Variants in F7 observed in about 807,000 individuals in gnomAD.
F7 encodes the protein FVII coagulation protein.
Under a neutral mutation model 47.5 loss-of-function variants are expected in F7, and 38 were observed. The ratio of observed to expected loss-of-function variants is 0.80; its 90% CI spans 0.62 to 1.05. The LOEUF is 1.05. Ranked by LOEUF, F7 falls within the 50% of genes least tolerant of loss-of-function variation. The pLI, the probability that F7 is intolerant of heterozygous loss-of-function variation, is 0.00. For missense variants in F7, 575 were observed against 605.4 expected (o/e 0.95, Z 0.53); for synonymous variants, 244 against 258.5 (o/e 0.94, Z 0.54).
rs2036213635 is a variant in F7 at position 113,117,477 on chromosome 13, T to C, written c.620T>C (p.Leu207Pro). ...ACCTCCTGTCCCCCCGCCCAGGTCC[T>C]GTTGTTGGTGAATGGAGCTCAGTTG... ...CPKGECPWQV[L>P]LLVNGAQLCG... is the part of the protein sequence containing the mutation. Residue 207 changes from leucine to proline, a missense_variant, in exon 7 of 8, where the codon CTG (leucine) becomes CCG (proline). Physicochemically the swap from Leu to Pro is moderately conservative, Grantham distance 98. Transcript: ENST00000346342. 6.2e-7 allele frequency: 1 copy of C among 1,613,852 alleles called. No homozygotes were observed. Among genetic ancestry groups the C allele is most frequent in the Non-Finnish European group, 8.5e-7 (1 of 1,179,956 alleles).
intron 1 of F7, among the ~76,000 whole-genome samples, chr13:113,106,107 G>A (rs1033536018): frequency 4.0e-5 from 6 of 150,396 alleles, no homozygotes; most frequent in Non-Finnish European, 7.4e-5. Flanking sequence ...TGGTGGCCCA[G>A]GCTTTGGCGG....
At chr13:113,115,998 G>A (rs959056032) in intron 5 of F7, among the ~76,000 whole-genome samples, 198 bp downstream of exon 5, 3 of 152,224 alleles carry the variant, frequency 2.0e-5, no homozygotes, top group African/African-American at 7.2e-5. Context: ...GCACCCTGGG[G>A]GCAATCCCTG....
chr13:113,112,245 A>G (rs2036115111), intron 2 of F7, among the ~76,000 whole-genome samples: 1 of 143,314 alleles, frequency 7.0e-6, no homozygotes, highest in Non-Finnish European at 1.5e-5. Flanking sequence ...CCCACAGGAC[A>G]CCTCACACTC....
intron 1 of F7, 25 bp downstream of exon 1, chr13:113,105,930 T>A: frequency 6.4e-7 from 1 of 1,565,502 alleles, no homozygotes; most frequent in Non-Finnish European, 8.7e-7. Flanking sequence ...GTTTTCTCCA[T>A]AAACTTGGTG....
rs984360419 is a variant in F7, at chr13:113,118,143, G to A, written c.740-270G>A. 5.9e-5 allele frequency among the ~76,000 whole-genome samples: 9 copies of A among 152,074 alleles called. 1 individual carries two copies. The highest frequency in any genetic ancestry group is 4.1e-4 in the South Asian group (2 of 4,828). On this transcript the variant is annotated intron_variant, in intron 7 of 7. Transcript: ENST00000346342. ...GAAGAACTGTGGAGAATCGGGGCACGCCCTGTCCTCCCAGCTGCCAGGGCA... is the reference window on the plus strand; with the variant it reads ...GAAGAACTGTGGAGAATCGGGGCACACCCTGTCCTCCCAGCTGCCAGGGCA...
chr13:113,106,996 C>T (rs1234996340), intron 1 of F7: 32 of 1,459,498 alleles, frequency 2.2e-5, no homozygotes, highest in South Asian at 1.3e-4. Context: ...AAGAGCCAGC[C>T]CGCGGGGTGG....
Position 113,118,913 on chromosome 13 carries a change from G to T in F7, c.1240G>T (p.Val414Leu). 6.2e-7 allele frequency: 1 copy of T among 1,612,196 alleles called. No individual in the cohort carries two copies. The highest frequency in any genetic ancestry group is 1.7e-5 in the Admixed American group (1 of 60,020). The change falls in exon 8 of 8, where the codon GTG becomes TTG. Residue 414 changes from valine to leucine, a missense_variant. Physicochemically the swap from Val to Leu is conservative, Grantham distance 32. Transcript: ENST00000346342. ...CTGCGCAACCGTGGGCCACTTTGGG[G>T]TGTACACCAGGGTCTCCCAGTACAT... ...QGCATVGHFG[V>L]YTRVSQYIEW...
At chr13:113,108,569 A>C (rs76788797) in intron 1 of F7, among the ~76,000 whole-genome samples, 33 of 304 alleles carry the variant, frequency 0.11, 3 homozygotes, top group Middle Eastern at 0.5. Flanking sequence ...GTCCCGGGGG[A>C]GTGGGTGTCC....
At chr13:113,117,369 G>T (rs2036211676) in intron 6 of F7, 104 bp from the exon 7 acceptor site, 1 of 1,560,620 alleles carries the variant, frequency 6.4e-7, no homozygotes, top group African/African-American at 1.4e-5. Context: ...ATTTCAGAAA[G>T]AAATTGTGCA....
In F7 at chr13:113,120,366, G is replaced by C. The variant is rs2036282167; in HGVS notation, c.*1358G>C. The C allele has an allele frequency of 6.6e-6, 1 of 152,512 alleles. No homozygotes were observed. The highest frequency in any genetic ancestry group is 2.4e-5 in the African/African-American group (1 of 41,462). The allele number at this position is 152,512 out of a possible 1,614,324, so 9.4% of individuals were successfully genotyped here. A position where few individuals can be genotyped will look rare whatever the true frequency, so the allele number is the denominator to read the frequency against. ...AGCTGCACTCTTGCTGAGTCCCCAG[G>C]GTGGTGGAAGAAGAATGAGAAACAC... is the stretch of plus-strand genomic sequence containing the variant. On this transcript the variant is annotated 3_prime_UTR_variant, in exon 8 of 8. Coordinates refer to ENST00000346342, the MANE Select transcript of F7 (RefSeq NM_019616.4).
At chr13:113,111,233 G>A (rs891423187) in intron 2 of F7, among the ~76,000 whole-genome samples, 1 of 152,186 alleles carries the variant, frequency 6.6e-6, no homozygotes, top group African/African-American at 2.4e-5. Flanking sequence ...GTGAGAAGCT[G>A]GCCCACAGCA....
At chr13:113,107,540 C>T (rs373893495) in intron 1 of F7, among the ~76,000 whole-genome samples, 56 of 164 alleles carry the variant, frequency 0.34, 9 homozygotes, top group Admixed American at 0.45. Flanking sequence ...GTGTGGGTGT[C>T]CCGGAGGCGA....
intron 2 of F7, among the ~76,000 whole-genome samples, chr13:113,111,196 ACG>A (rs906779101): frequency 1.3e-5 from 2 of 152,180 alleles, no homozygotes; most frequent in Non-Finnish European, 2.9e-5. Context: ...CGCATCGCAG[ACG>A]CGCGCGGCTC....
rs1031608799 is a variant in F7 at position 113,110,548 on chromosome 13, A to C, written c.65-142A>C. The C allele has an allele frequency of 3.4e-6, 4 of 1,160,840 alleles. No homozygotes were observed. The Admixed American group carries it at 8.7e-5, about 25-fold the overall frequency. The allele number at this position is 1,160,840 out of a possible 1,614,324, so 71.9% of individuals were successfully genotyped here. A position where few individuals can be genotyped will look rare whatever the true frequency, so the allele number is the denominator to read the frequency against. On this transcript the variant is annotated intron_variant, in intron 1 of 7. Coordinates refer to ENST00000346342, the MANE Select transcript of F7 (RefSeq NM_019616.4). The stretch of plus-strand genomic sequence containing the variant: ...CGGGAGCACGGCAGGGAGGACACCC[A>C]GCCAGGCCCGCGAGCAGCGCCGCTC...
intron 5 of F7, among the ~76,000 whole-genome samples, 198 bp from the exon 6 acceptor site, chr13:113,116,568 C>T (rs1036166864): frequency 1.3e-5 from 2 of 152,258 alleles, no homozygotes; most frequent in African/African-American, 2.4e-5. Flanking sequence ...AAGGGCCTCT[C>T]ATGGCCGGGC....
intron 1 of F7, 123 bp from the exon 2 acceptor site, chr13:113,110,567 G>A: frequency 7.3e-7 from 1 of 1,361,192 alleles, no homozygotes; most frequent in Non-Finnish European, 1.0e-6. Flanking sequence ...CGCGAGCAGC[G>A]CCGCTCCCCT....
In F7 at chr13:113,118,490, G is replaced by T. The variant is rs959914744; in HGVS notation, c.817G>T (p.Val273Phe). 1.2e-6 allele frequency: 2 copies of T among 1,610,192 alleles called. No individual in the cohort carries two copies. The highest frequency in any genetic ancestry group is 1.7e-6 in the Non-Finnish European group (2 of 1,179,760). Residue 273 changes from valine to phenylalanine, a missense_variant, in exon 8 of 8, where the codon GTC becomes TTC. By Grantham distance (50) the Val-to-Phe change is conservative. Transcript: ENST00000346342. ...GCAGGTCATCATCCCCAGCACGTAC[G>T]TCCCGGGCACCACCAACCACGACAT... Reference protein sequence around the residue: ...VAQVIIPSTYVPGTTNHDIAL... With the variant: ...VAQVIIPSTYFPGTTNHDIAL...
chr13:113,120,488 G>T lies in F7; in HGVS notation c.*1480G>T. The T allele has an allele frequency of 6.4e-6, 1 of 155,286 alleles. No homozygotes were observed. The highest frequency in any genetic ancestry group is 1.4e-5 in the Non-Finnish European group (1 of 69,952). The allele number at this position is 155,286 out of a possible 1,614,324, so 9.6% of individuals were successfully genotyped here. ...GACTCGATGCCATCCCTGCAGGGCC[G>T]TCCTGGGCACCACTGGCACTCACAG... On this transcript the variant is annotated 3_prime_UTR_variant, in exon 8 of 8. Transcript: ENST00000346342.
chr13:113,118,541 G>A lies in F7; in HGVS notation c.868G>A (p.Val290Met), dbSNP rs201991361. ...DIALLRLHQPVVLTDHVVPLC... is the reference protein window; with the variant it reads ...DIALLRLHQPMVLTDHVVPLC... ...CGCGCTGCTCCGCCTGCACCAGCCC[G>A]TGGTCCTCACTGACCATGTGGTGCC... The change falls in exon 8 of 8, where the codon GTG becomes ATG. Residue 290 changes from valine to methionine, a missense_variant. Physicochemically the swap from Val to Met is conservative, Grantham distance 21. Coordinates refer to ENST00000346342, the MANE Select transcript of F7 (RefSeq NM_019616.4). 8.9e-5 allele frequency: 144 copies of A among 1,612,278 alleles called. No homozygotes were observed. The highest frequency in any genetic ancestry group is 1.2e-4 in the Non-Finnish European group (138 of 1,179,920).
Sources: gnomAD v4.1 joint callset for allele counts (sites outside exome capture counted in the v4.1 genomes callset) on GRCh38, gnomAD v4.1.1 for gene constraint, MANE v1.5 for transcripts, NCBI Gene and HGNC (gene_info 2026-07-23, HGNC 2026-07-21) for gene names.